EDNRB: variants seen among roughly 807,000 people sequenced by gnomAD.
EDNRB encodes the protein endothelin receptor type B.
EDNRB carries 18 observed loss-of-function variants against 46.4 expected under a neutral mutation model. That is an observed-to-expected ratio of 0.39 (90% CI 0.27 to 0.57). The LOEUF (loss-of-function observed/expected upper bound fraction) is 0.57. Ranked by LOEUF, EDNRB falls within the 20% of genes least tolerant of loss-of-function variation. EDNRB has a pLI of 0.61. For synonymous variants in EDNRB, 213 were observed against 204.9 expected (o/e 1.04, Z -0.34); for missense variants, 434 against 537.5 (o/e 0.81, Z 1.90).
chr13:77,972,213 G>C (rs1007178905), intron 1 of EDNRB, among the ~76,000 whole-genome samples: 1 of 152,168 alleles, frequency 6.6e-6, no homozygotes, highest in South Asian at 2.1e-4. Context: ...TGCAGCCTAC[G>C]CCTGGTCAAC....
At chr13:77,920,315 G>C (rs1039847040), upstream of EDNRB, among the ~76,000 whole-genome samples, 2 of 152,160 alleles carry the variant, frequency 1.3e-5, no homozygotes, top group African/African-American at 2.4e-5. Flanking sequence ...ACCGCAGAGA[G>C]GAAAATAACA....
At chr13:77,922,272 T>A (rs1167011605), upstream of EDNRB, among the ~76,000 whole-genome samples, 1 of 152,196 alleles carries the variant, frequency 6.6e-6, no homozygotes, top group Non-Finnish European at 1.5e-5. Flanking sequence ...AATGTCCCAG[T>A]ATTTCCTTTA....
chr13:77,920,355 T>C (rs1880043553), upstream of EDNRB, among the ~76,000 whole-genome samples: 2 of 152,170 alleles, frequency 1.3e-5, no homozygotes, highest in African/African-American at 4.8e-5. Context: ...AGAGATTGTA[T>C]AAAAGAGGTC....
Position 77,898,101 on chromosome 13 carries a change from A to G in EDNRB, c.*99T>C, listed in dbSNP as rs1878726830. ...TAATATTTTAATAGTGTGCTGTGCA[A>G]ATACATAGTTTTTTGTTTTGTTTTG... On this transcript the variant is annotated 3_prime_UTR_variant, in exon 7 of 7. Transcript: ENST00000646607. The G allele has an allele frequency of 6.5e-7, 1 of 1,539,620 alleles. No individual in the cohort carries two copies. The highest frequency in any genetic ancestry group is 1.2e-5 in the South Asian group (1 of 84,062).
intron 1 of EDNRB, among the ~76,000 whole-genome samples, chr13:77,938,650 A>C (rs190085355): frequency 6.6e-6 from 1 of 152,156 alleles, no homozygotes; most frequent in Non-Finnish European, 1.5e-5. Context: ...TCCCAAGTCC[A>C]TGACCAGCGC....
intron 1 of EDNRB, among the ~76,000 whole-genome samples, chr13:77,958,520 C>G (rs1485624749): frequency 6.6e-6 from 1 of 152,020 alleles, no homozygotes; most frequent in Non-Finnish European, 1.5e-5. Context: ...CTATGGGCAC[C>G]CACCACCACA....
chr13:77,913,600 A>G (rs1879680970), intron 1 of EDNRB, among the ~76,000 whole-genome samples: 1 of 152,208 alleles, frequency 6.6e-6, no homozygotes, highest in African/African-American at 2.4e-5. Context: ...TATAACATAA[A>G]GAGAGTTAAT....
rs201833814 is a variant in EDNRB at position 77,897,629 on chromosome 13, C to G, written c.*571G>C. On this transcript the variant is annotated 3_prime_UTR_variant, in exon 7 of 7. Coordinates refer to ENST00000646607, the MANE Select transcript of EDNRB (RefSeq NM_001122659.3). ...AAACAGCCTTGCTCTTTCTGTTACT[C>G]CCTCCTGATCATTTAAATGTTTCCA... 10 of 985,612 alleles carry G rather than the reference C, an allele frequency of 1.0e-5. No homozygotes were observed. The South Asian group carries it at 4.7e-4, about 46-fold the overall frequency. The allele number at this position is 985,612 out of a possible 1,614,324, so 61.1% of individuals were successfully genotyped here.
At chr13:77,898,960 T>TACCA (rs1357715979) in intron 6 of EDNRB, among the ~76,000 whole-genome samples, 1 of 151,766 alleles carries the variant, frequency 6.6e-6, no homozygotes, top group East Asian at 1.9e-4. Flanking sequence ...ACAATAAGGT[T>TACCA]ATATAGTACA....
chr13:77,934,330 A>G (rs1198332628), intron 1 of EDNRB, among the ~76,000 whole-genome samples: 1 of 152,152 alleles, frequency 6.6e-6, no homozygotes, highest in Non-Finnish European at 1.5e-5. Context: ...GTGTTTTTAA[A>G]AGACCTTTAG....
rs1381062477 is a variant in EDNRB, at chr13:77,896,898, C to G, written c.*1302G>C. 7.0e-6 allele frequency: 7 copies of G among 1,000,094 alleles called. No individual in the cohort carries two copies. Among genetic ancestry groups the G allele is most frequent in the African/African-American group, 3.5e-5 (2 of 57,716 alleles). 62.0% of individuals were successfully genotyped at this position (1,000,094 alleles called of 1,614,324 possible). ...AACGCACAAAGCTAAGAGGTTCTTACGGTCTCAAAAAGCAGTTTTGCCTCT... is the reference window on the plus strand; with the variant it reads ...AACGCACAAAGCTAAGAGGTTCTTAGGGTCTCAAAAAGCAGTTTTGCCTCT... On this transcript the variant is annotated 3_prime_UTR_variant, in exon 7 of 7. Transcript: ENST00000646607.
intron 1 of EDNRB, among the ~76,000 whole-genome samples, chr13:77,961,874 G>C (rs1464596611): frequency 6.6e-6 from 1 of 152,108 alleles, no homozygotes; most frequent in African/African-American, 2.4e-5. Context: ...AAAATTGAAA[G>C]ACTGCTATCA....
intron 1 of EDNRB, among the ~76,000 whole-genome samples, chr13:77,959,932 G>A (rs1343642474): frequency 1.3e-5 from 2 of 152,222 alleles, no homozygotes; most frequent in Admixed American, 6.5e-5. Flanking sequence ...GGAAGAAAGG[G>A]TATCAGTGAT....
rs1008283421 is a variant in EDNRB at position 77,897,688 on chromosome 13, T to C, written c.*512A>G. On this transcript the variant is annotated 3_prime_UTR_variant, in exon 7 of 7. Transcript: ENST00000646607. ...AAAATGCAACAACTAAACTGCTCTC[T>C]CATTTGCATCTAATTACAATCTGAT... is the stretch of plus-strand genomic sequence containing the variant. 2 of 986,566 alleles carry C rather than the reference T, an allele frequency of 2.0e-6. No homozygotes were observed. Among genetic ancestry groups the C allele is most frequent in the African/African-American group, 3.5e-5 (2 of 57,178 alleles). The allele number at this position is 986,566 out of a possible 1,614,324, so 61.1% of individuals were successfully genotyped here. A position where few individuals can be genotyped will look rare whatever the true frequency, so the allele number is the denominator to read the frequency against.
At chr13:77,919,992 G>A (rs1278638887), upstream of EDNRB, 2 of 168,822 alleles carry the variant, frequency 1.2e-5, no homozygotes, top group Non-Finnish European at 2.6e-5. Context: ...ATTTTGCCCT[G>A]AAGTTTCATT....
chr13:77,946,016 A>G (rs1880900296), intron 1 of EDNRB, among the ~76,000 whole-genome samples: 1 of 152,140 alleles, frequency 6.6e-6, no homozygotes, highest in Non-Finnish European at 1.5e-5. Context: ...ATTGTTCAGT[A>G]TTCCTTGAAA....
intron 1 of EDNRB, among the ~76,000 whole-genome samples, chr13:77,953,584 T>G (rs1040561903): frequency 6.6e-6 from 1 of 152,090 alleles, no homozygotes; most frequent in Non-Finnish European, 1.5e-5. Context: ...GTGAAATAAA[T>G]AGTCTGGACT....
chr13:77,960,801 G>T (rs568045948), intron 1 of EDNRB, among the ~76,000 whole-genome samples: 2 of 150,240 alleles, frequency 1.3e-5, no homozygotes, highest in African/African-American at 2.5e-5. Flanking sequence ...CCCATCTCAC[G>T]TGCAGAGACA....
intron 1 of EDNRB, among the ~76,000 whole-genome samples, chr13:77,970,398 C>A (rs563683355): frequency 2.6e-5 from 4 of 152,074 alleles, no homozygotes; most frequent in Non-Finnish European, 2.9e-5. Context: ...CTGGGAGAAT[C>A]GGCAAGACTC....
Sources: gnomAD v4.1 joint callset for allele counts (sites outside exome capture counted in the v4.1 genomes callset) on GRCh38, gnomAD v4.1.1 for gene constraint, MANE v1.5 for transcripts, NCBI Gene and HGNC (gene_info 2026-07-23, HGNC 2026-07-21) for gene names.